The following LINGO2 variants were observed in gnomAD, a reference collection of about 807,000 sequenced individuals.
LINGO2 encodes leucine rich repeat and Ig domain containing 2, also known as leucine-rich repeat and immunoglobulin-like domain-containing nogo receptor-interacting protein 2.
A neutral mutation model predicts 30.6 loss-of-function variants in LINGO2; 14 were observed. That is an observed-to-expected ratio of 0.46 (90% CI 0.30 to 0.72). LINGO2 has a LOEUF of 0.72. Among genes scored for constraint, LINGO2 ranks in the 30% least tolerant of loss-of-function variants. LINGO2 has a pLI of 0.07. For missense variants in LINGO2, 729 were observed against 751.7 expected (o/e 0.97, Z 0.35); for synonymous variants, 317 against 288.5 (o/e 1.10, Z -1.00).
At chr9:28,650,045 A>G (rs567883627) in intron 1 of LINGO2, among the ~76,000 whole-genome samples, 1 of 151,988 alleles carries the variant, frequency 6.6e-6, no homozygotes, top group Admixed American at 6.6e-5. Flanking sequence ...GGAAAAAAAA[A>G]AACAACAACA....
At chr9:27,955,472 C>G (rs1018994951) in intron 5 of LINGO2, among the ~76,000 whole-genome samples, 1 of 152,170 alleles carries the variant, frequency 6.6e-6, no homozygotes, top group African/African-American at 2.4e-5. Flanking sequence ...CTATCCCAAC[C>G]TCTGTTACCG....
chr9:28,706,922 A>G, the LINGO2 span, among the ~76,000 whole-genome samples: 1 of 151,274 alleles, frequency 6.6e-6, no homozygotes, highest in Non-Finnish European at 1.5e-5. Context: ...TCGACACCCC[A>G]ACCCAAAATA....
At chr9:28,813,467 G>C in the LINGO2 span, among the ~76,000 whole-genome samples, 1 of 152,092 alleles carries the variant, frequency 6.6e-6, no homozygotes, top group South Asian at 2.1e-4. Flanking sequence ...GTTGACCATG[G>C]GGAATTGAAA....
chr9:28,088,560 T>G (rs1373433406), intron 4 of LINGO2, among the ~76,000 whole-genome samples: 1 of 151,932 alleles, frequency 6.6e-6, no homozygotes, highest in Non-Finnish European at 1.5e-5. Flanking sequence ...GTCCTCTGGG[T>G]ACTGACAGAA....
At chr9:28,671,832 G>A (rs1829031898), upstream of LINGO2, among the ~76,000 whole-genome samples, 1 of 151,824 alleles carries the variant, frequency 6.6e-6, no homozygotes, top group African/African-American at 2.4e-5. Flanking sequence ...ACTTTGTCAA[G>A]GCACATATAG....
intron 4 of LINGO2, among the ~76,000 whole-genome samples, chr9:28,107,630 TTTC>T (rs1586999966): frequency 6.6e-6 from 1 of 152,160 alleles, no homozygotes; most frequent in African/African-American, 2.4e-5. Context: ...GGACAGAGTA[TTTC>T]TTAAGAGTAA....
the LINGO2 span, among the ~76,000 whole-genome samples, chr9:28,776,505 T>G: frequency 6.6e-6 from 1 of 152,174 alleles, no homozygotes; most frequent in African/African-American, 2.4e-5. Context: ...TATTACTAAT[T>G]TAACCAGTAG....
At chr9:29,188,171 C>T in the LINGO2 span, among the ~76,000 whole-genome samples, 1 of 151,460 alleles carries the variant, frequency 6.6e-6, no homozygotes, top group East Asian at 1.9e-4. Context: ...TGCGGCCTTC[C>T]GCAGTGTTTG....
the LINGO2 span, among the ~76,000 whole-genome samples, chr9:29,193,491 T>C: frequency 1.3e-5 from 2 of 152,202 alleles, no homozygotes; most frequent in Non-Finnish European, 2.9e-5. Flanking sequence ...GCCTAGCTTA[T>C]TGACTTTCAA....
the LINGO2 span, among the ~76,000 whole-genome samples, chr9:28,728,173 TG>T: frequency 6.6e-6 from 1 of 152,162 alleles, no homozygotes; most frequent in Non-Finnish European, 1.5e-5. Context: ...TCTCACTTTT[TG>T]CAACCTATTT....
At chr9:27,953,065 T>C (rs1819392002) in intron 5 of LINGO2, among the ~76,000 whole-genome samples, 1 of 152,090 alleles carries the variant, frequency 6.6e-6, no homozygotes, top group South Asian at 2.1e-4. Context: ...TGATTAGCTA[T>C]TAGTAAGCAA....
chr9:28,478,376 A>C (rs1345011281), intron 1 of LINGO2, among the ~76,000 whole-genome samples: 3 of 151,990 alleles, frequency 2.0e-5, no homozygotes, highest in Admixed American at 6.6e-5. Context: ...TCTCAAGCTT[A>C]AAACAAATAT....
chr9:28,920,843 T>G, the LINGO2 span, among the ~76,000 whole-genome samples: 1 of 152,132 alleles, frequency 6.6e-6, no homozygotes. Context: ...CACTTAAAAT[T>G]TGTTAGCAGG....
chr9:28,106,284 T>C (rs754767234), intron 4 of LINGO2, among the ~76,000 whole-genome samples: 1 of 152,146 alleles, frequency 6.6e-6, no homozygotes, highest in Non-Finnish European at 1.5e-5. Flanking sequence ...ATGAGCAGAC[T>C]AAGGCAAAAG....
At chr9:29,101,475 G>T in the LINGO2 span, among the ~76,000 whole-genome samples, 3 of 152,042 alleles carry the variant, frequency 2.0e-5, no homozygotes, top group Non-Finnish European at 4.4e-5. Flanking sequence ...GGGATAGAAG[G>T]TAGGCCTGTA....
At chr9:27,977,980 A>G (rs113581040) in intron 5 of LINGO2, among the ~76,000 whole-genome samples, 22 of 152,096 alleles carry the variant, frequency 1.4e-4, no homozygotes, top group South Asian at 2.1e-4. Context: ...TTCAATGAAA[A>G]CATCATTTTT....
intron 5 of LINGO2, among the ~76,000 whole-genome samples, chr9:27,965,764 TA>T (rs759961620): frequency 7.9e-5 from 12 of 152,126 alleles, no homozygotes; most frequent in Non-Finnish European, 1.5e-4. Flanking sequence ...CTTAAAATTT[TA>T]AAAGATGAAA....
intron 1 of LINGO2, among the ~76,000 whole-genome samples, chr9:28,538,648 G>T (rs1305368841): frequency 6.6e-6 from 1 of 152,076 alleles, no homozygotes; most frequent in Non-Finnish European, 1.5e-5. Flanking sequence ...TAAGGTTCTG[G>T]CATGTGCTGA....
At chr9:28,894,714 T>A in the LINGO2 span, among the ~76,000 whole-genome samples, 2 of 152,014 alleles carry the variant, frequency 1.3e-5, no homozygotes, top group African/African-American at 4.8e-5. Context: ...ATAATTTCCC[T>A]TTAAAATTTA....
Sources: allele counts gnomAD v4.1 joint callset (sites outside exome capture counted in the v4.1 genomes callset), GRCh38; gene constraint gnomAD v4.1.1; transcripts MANE v1.5; gene names NCBI Gene and HGNC (gene_info 2026-07-23, HGNC 2026-07-21).